Variants in ZACN observed in about 807,000 individuals in gnomAD.
The protein encoded by ZACN is zinc activated ion channel, also known as ligand-gated cation channel ZACN.
A neutral mutation model predicts 38.9 loss-of-function variants in ZACN; 52 were observed. The observed-to-expected ratio is 1.34, with a 90% confidence interval of 1.07 to 1.68. The LOEUF (loss-of-function observed/expected upper bound fraction) is 1.68, where lower values mean the gene tolerates loss of function less well. Ranked by LOEUF, ZACN falls within the 40% of genes most tolerant of loss-of-function variation. The pLI is 0.00. For synonymous variants in ZACN, 235 were observed against 227.4 expected (o/e 1.03, Z -0.30); for missense variants, 559 against 525.6 (o/e 1.06, Z -0.62).
chr17:76,080,561 G>A (rs2257028), intron 5 of ZACN, 137 bp downstream of exon 5: 698,771 of 1,244,060 alleles, frequency 0.56, 206,780 homozygotes, highest in South Asian at 0.68. Context: ...GAACTCCCAG[G>A]TCTGTGTTCA....
chr17:76,082,073 G>A, intron 8 of ZACN, 24 bp downstream of exon 8: 1 of 1,580,106 alleles, frequency 6.3e-7, no homozygotes, highest in Non-Finnish European at 8.6e-7. Context: ...GGGGGGTAAG[G>A]AATGAGGCCT....
Position 76,080,012 on chromosome 17 carries a change from TG to T in ZACN, c.374+19del, listed in dbSNP as rs2066924474. 1.3e-6 allele frequency: 2 copies of T among 1,557,706 alleles called. No homozygotes were observed. The highest frequency in any genetic ancestry group is 1.7e-6 in the Non-Finnish European group (2 of 1,151,254). ...CTGGAGGCGTAAGTGAGACAGTTCC[TG>T]CCCCAGGAATCTGCCATGCATAGCC... On this transcript the variant is annotated intron_variant, in intron 4 of 8. Transcript: ENST00000334586.
chr17:76,080,207 C>G, intron 4 of ZACN, 48 bp from the exon 5 acceptor site: 1 of 1,568,970 alleles, frequency 6.4e-7, no homozygotes, highest in Non-Finnish European at 8.6e-7. Context: ...CCCCCCGGCC[C>G]CGTCCAAGAA....
Position 76,079,333 on chromosome 17 carries a change from C to G in ZACN, c.69C>G (p.His23Gln), listed in dbSNP as rs202021985. ...TCAGCATTACCTTGCTGTTGGTCCA[C>G]GGGCAGGGCTTCCAAGGGACAGCAG... ...LGFSITLLLVHGQGFQGTAAI... is the reference protein window; with the variant it reads ...LGFSITLLLVQGQGFQGTAAI... Residue 23 changes from histidine to glutamine, a missense_variant, in exon 1 of 9, where the codon CAC (histidine) becomes CAG (glutamine). Physicochemically the swap from His to Gln is conservative, Grantham distance 24. Coordinates refer to ENST00000334586, the MANE Select transcript of ZACN (RefSeq NM_180990.4). 6.2e-7 allele frequency: 1 copy of G among 1,613,994 alleles called. No homozygotes were observed.
In ZACN at chr17:76,082,670, C is replaced by T. The variant is rs73996110; in HGVS notation, c.*17C>T. 3.6e-4 allele frequency: 571 copies of T among 1,590,948 alleles called. 1 individual carries two copies. In the African/African-American group the frequency reaches 6.2e-3, roughly 17 times the overall value. On this transcript the variant is annotated 3_prime_UTR_variant, in exon 9 of 9. Coordinates refer to ENST00000334586, the MANE Select transcript of ZACN (RefSeq NM_180990.4). The stretch of plus-strand genomic sequence containing the variant: ...AGACTGTAAAGGGGCAGGGCCTGGG[C>T]TGCACACCTTAGGATGAAGTTTGCT...
chr17:76,080,202 C>A, intron 4 of ZACN, 53 bp from the exon 5 acceptor site: 2 of 1,558,478 alleles, frequency 1.3e-6, no homozygotes, highest in Middle Eastern at 1.8e-4. Context: ...GGTCTCCCCC[C>A]GGCCCCGTCC....
chr17:76,079,219 T>C lies in ZACN; in HGVS notation c.-46T>C, dbSNP rs764754549. 6.9e-5 allele frequency: 106 copies of C among 1,542,442 alleles called. No homozygotes were observed. Among genetic ancestry groups the C allele is most frequent in the Non-Finnish European group, 8.9e-5 (101 of 1,135,074 alleles). On this transcript the variant is annotated 5_prime_UTR_variant, in exon 1 of 9. Coordinates refer to ENST00000334586, the MANE Select transcript of ZACN (RefSeq NM_180990.4). ...GCCAGAGAAGTGACTGGAATAGAGGTTGTAGCTTAGGCACCGCTGCTCCCT... is the reference window on the plus strand; with the variant it reads ...GCCAGAGAAGTGACTGGAATAGAGGCTGTAGCTTAGGCACCGCTGCTCCCT...
In ZACN at chr17:76,080,515, C is replaced by T. The variant is rs139332239; in HGVS notation, c.544+91C>T. 3.1e-4 allele frequency: 468 copies of T among 1,501,202 alleles called. 6 individuals are homozygous for T. Among genetic ancestry groups the T allele is most frequent in the African/African-American group, 2.4e-3 (172 of 72,740 alleles). The allele number at this position is 1,501,202 out of a possible 1,614,324, so 93.0% of individuals were successfully genotyped here. ...AGGTCTGTGGTGCAGGGGCAGGGTG[C>T]GGGGCAAGGGGAAGGGGCAAAGGCA... On this transcript the variant is annotated intron_variant, in intron 5 of 8. Transcript: ENST00000334586.
chr17:76,080,106 G>T, intron 4 of ZACN, 112 bp downstream of exon 4: 2 of 1,460,426 alleles, frequency 1.4e-6, no homozygotes, highest in South Asian at 2.6e-5. Flanking sequence ...GGTCCCCGCC[G>T]GACTAGCAGT....
chr17:76,081,495 G>T (rs2066972009), intron 6 of ZACN, 50 bp from the exon 7 acceptor site: 1 of 1,610,174 alleles, frequency 6.2e-7, no homozygotes, highest in East Asian at 2.2e-5. Context: ...TGCCCCCGAT[G>T]CCCACCTCCT....
chr17:76,082,329 C>T, intron 8 of ZACN, 134 bp from the exon 9 acceptor site: 1 of 1,022,344 alleles, frequency 9.8e-7, no homozygotes, highest in Non-Finnish European at 1.4e-6. Context: ...CTGAAATGGG[C>T]CAGACCCAAA....
rs149648883 is a variant in ZACN, at chr17:76,079,560, T to C, written c.219T>C (p.Asn73=). ...GGGTGTTTGTCTCCAACGTGTTTAA[T>C]GTGGTAAGTGCCTCTAGGCCAAGGG... The part of the protein sequence containing the change: ...DVRVFVSNVF[N]VDILRYTMSS... Residue 73 remains asparagine, a synonymous_variant, in exon 2 of 9, where the codon AAT becomes AAC. Coordinates refer to ENST00000334586, the MANE Select transcript of ZACN (RefSeq NM_180990.4). 3.1e-6 allele frequency: 5 copies of C among 1,614,054 alleles called. No individual in the cohort carries two copies. The highest frequency in any genetic ancestry group is 2.7e-5 in the African/African-American group (2 of 74,906).
In ZACN at chr17:76,079,307, T is replaced by G. The variant is rs1034641320; in HGVS notation, c.43T>G (p.Phe15Val). The change falls in exon 1 of 9, where the codon TTC (phenylalanine) becomes GTC (valine). Residue 15 changes from phenylalanine (F) to valine (V), a missense_variant. Physicochemically the swap from Phe to Val is conservative, Grantham distance 50. Transcript: ENST00000334586. ...WSLLHLTFLGFSITLLLVHGQ... is the reference protein window; with the variant it reads ...WSLLHLTFLGVSITLLLVHGQ... Reference sequence around the variant, plus strand: ...CCTGCTCCATCTCACCTTCCTGGGGTTCAGCATTACCTTGCTGTTGGTCCA... The same window carrying G: ...CCTGCTCCATCTCACCTTCCTGGGGGTCAGCATTACCTTGCTGTTGGTCCA... 1.1e-5 allele frequency: 17 copies of G among 1,613,956 alleles called. No individual in the cohort carries two copies. Among genetic ancestry groups the G allele is most frequent in the Admixed American group, 3.3e-5 (2 of 59,992 alleles).
chr17:76,080,455 G>C, intron 5 of ZACN, 31 bp downstream of exon 5: 5 of 1,610,412 alleles, frequency 3.1e-6, no homozygotes, highest in Non-Finnish European at 4.2e-6. Context: ...GCAGGGTTGA[G>C]GAGGGGAGGA....
At chr17:76,080,490 A>C in intron 5 of ZACN, 66 bp downstream of exon 5, 10 of 1,560,926 alleles carry the variant, frequency 6.4e-6, no homozygotes, top group Non-Finnish European at 8.7e-6. Context: ...GGGAACTCCC[A>C]GGTCTGTGGT....
chr17:76,081,542 C>A lies in ZACN; in HGVS notation c.670-3C>A. On this transcript the variant is annotated splice_polypyrimidine_tract_variant and splice_region_variant and intron_variant, in intron 6 of 8. Coordinates refer to ENST00000334586, the MANE Select transcript of ZACN (RefSeq NM_180990.4). ...GGGAAGGCCCTGACTTTTCCCCTTCCAGCTGAGGCTGAAGAACACGGCGCT... is the reference window on the plus strand; with the variant it reads ...GGGAAGGCCCTGACTTTTCCCCTTCAAGCTGAGGCTGAAGAACACGGCGCT... 6.2e-7 allele frequency: 1 copy of A among 1,613,202 alleles called. No individual in the cohort carries two copies. The highest frequency in any genetic ancestry group is 8.5e-7 in the Non-Finnish European group (1 of 1,179,986).
intron 5 of ZACN, 196 bp downstream of exon 5, chr17:76,080,620 GC>G: frequency 2.6e-6 from 2 of 783,180 alleles, no homozygotes; most frequent in Non-Finnish European, 4.3e-6. Flanking sequence ...CTCCCACTGC[GC>G]CCCCCACTCG....
At position 76,081,537 on chromosome 17, in the gene ZACN, C is replaced by G. The variant is rs1393116888; in HGVS notation, c.670-8C>G. ...CCGCCGGGAAGGCCCTGACTTTTCC[C>G]CTTCCAGCTGAGGCTGAAGAACACG... On this transcript the variant is annotated splice_polypyrimidine_tract_variant and splice_region_variant and intron_variant, in intron 6 of 8. Transcript: ENST00000334586. The G allele has an allele frequency of 1.2e-6, 2 of 1,613,106 alleles. No homozygotes were observed. The highest frequency in any genetic ancestry group is 1.1e-5 in the South Asian group (1 of 91,090).
chr17:76,079,939 G>C lies in ZACN; in HGVS notation c.319G>C (p.Ala107Pro). ...GAACACTAGTGCACACCCGCGGCAC[G>C]CCATCACGCTGCCCTGGGAGTCTCT... Reference protein sequence around the residue: ...AWNTSAHPRHAITLPWESLWT... With the variant: ...AWNTSAHPRHPITLPWESLWT... The change falls in exon 4 of 9, where the codon GCC becomes CCC. Residue 107 changes from alanine (A) to proline (P), a missense_variant. By Grantham distance (27) the Ala-to-Pro change is conservative. Coordinates refer to ENST00000334586, the MANE Select transcript of ZACN (RefSeq NM_180990.4). The C allele has an allele frequency of 6.2e-7, 1 of 1,600,646 alleles. No individual in the cohort carries two copies. The highest frequency in any genetic ancestry group is 8.5e-7 in the Non-Finnish European group (1 of 1,173,842).
Sources: gnomAD v4.1 joint callset for allele counts on GRCh38, gnomAD v4.1.1 for gene constraint, MANE v1.5 for transcripts, NCBI Gene and HGNC (gene_info 2026-07-23, HGNC 2026-07-21) for gene names.